SLC35F3: variants seen among roughly 807,000 people sequenced by gnomAD.
The protein encoded by SLC35F3 is putative thiamine transporter SLC35F3.
A neutral mutation model predicts 49.9 loss-of-function variants in SLC35F3; 25 were observed. The observed-to-expected ratio is 0.50, with a 90% CI of 0.37 to 0.70. SLC35F3 has a LOEUF of 0.70. Ranked by LOEUF, SLC35F3 falls within the 30% of genes least tolerant of loss-of-function variation. The pLI is 0.00. For missense variants in SLC35F3, 525 were observed against 639.8 expected, an observed-to-expected ratio of 0.82 and a Z score of 1.94; for synonymous variants, 275 against 265.4, an observed-to-expected ratio of 1.04 and a Z score of -0.35.
intron 2 of SLC35F3, among the ~76,000 whole-genome samples, chr1:234,167,703 T>C (rs1666339889): frequency 6.6e-6 from 1 of 152,098 alleles, no homozygotes; most frequent in Non-Finnish European, 1.5e-5. Context: ...GAGAGAAGGA[T>C]TCATACTGAA....
At chr1:234,072,396 A>C (rs1317460668) in intron 2 of SLC35F3, among the ~76,000 whole-genome samples, 1 of 152,232 alleles carries the variant, frequency 6.6e-6, no homozygotes, top group Admixed American at 6.5e-5. Context: ...CTGAGCACTC[A>C]TCAGACACTG....
intron 2 of SLC35F3, among the ~76,000 whole-genome samples, chr1:234,090,830 C>T (rs1665032619): frequency 6.6e-6 from 1 of 152,110 alleles, no homozygotes; most frequent in Non-Finnish European, 1.5e-5. Context: ...TGACCCACAG[C>T]CAGAAATGTT....
chr1:234,290,654 C>T (rs1359522539), intron 3 of SLC35F3, among the ~76,000 whole-genome samples: 1 of 152,184 alleles, frequency 6.6e-6, no homozygotes, highest in African/African-American at 2.4e-5. Context: ...GAGGCCGCAG[C>T]CTCTGACTGC....
chr1:234,136,087 G>C (rs16842608), intron 2 of SLC35F3, among the ~76,000 whole-genome samples: 5,156 of 152,180 alleles, frequency 0.034, 319 homozygotes, highest in African/African-American at 0.12. Context: ...GGTTTTCAGA[G>C]ATGTTTACAG....
At chr1:234,070,656 T>C (rs1191417138) in intron 2 of SLC35F3, among the ~76,000 whole-genome samples, 1 of 152,224 alleles carries the variant, frequency 6.6e-6, no homozygotes, top group East Asian at 1.9e-4. Context: ...TATTATTGTT[T>C]TTTAATCTCA....
At chr1:234,108,576 TATATATAAAAGATATAC>T (rs1572055024) in intron 2 of SLC35F3, among the ~76,000 whole-genome samples, 1 of 74,816 alleles carries the variant, frequency 1.3e-5, no homozygotes, top group Admixed American at 2.2e-4. Flanking sequence ...ATATTATTTA[TATATATAAAAGATATAC>T]ATATAAAAGA....
chr1:234,247,796 T>C (rs994096735), intron 3 of SLC35F3, among the ~76,000 whole-genome samples: 2 of 151,030 alleles, frequency 1.3e-5, no homozygotes, highest in Admixed American at 1.3e-4. Context: ...AGTGGGTTGG[T>C]TGGCTGGTCC....
chr1:234,105,183 T>C (rs377297839), intron 2 of SLC35F3, among the ~76,000 whole-genome samples: 4 of 151,410 alleles, frequency 2.6e-5, no homozygotes, highest in African/African-American at 9.7e-5. Flanking sequence ...AAGAAGGCCT[T>C]GAGAGATTGT....
In SLC35F3 at chr1:234,318,801, AT is replaced by A. The variant is rs776257707; in HGVS notation, c.1010del (p.Leu337CysfsTer46). Reference protein sequence around the residue: ...GSAKFGEAALFLSILGVFNIL... With the variant: ...GSAKFGEAALXLSILGVFNIL... ...GTGCTAAGTTTGGAGAAGCCGCCTT[AT>A]TTTTGTCCATCTTGGGTGTGTTTAA... is the stretch of plus-strand genomic sequence containing the variant. On this transcript the variant is annotated frameshift_variant, in exon 6 of 8. Transcript: ENST00000366618. LOFTEE classifies it high-confidence loss of function. The A allele has an allele frequency of 6.2e-7, 1 of 1,614,050 alleles. No homozygotes were observed. The highest frequency in any genetic ancestry group is 1.7e-5 in the Admixed American group (1 of 60,004).
chr1:234,270,687 C>T (rs1019991964), intron 3 of SLC35F3, among the ~76,000 whole-genome samples: 1 of 152,194 alleles, frequency 6.6e-6, no homozygotes, highest in African/African-American at 2.4e-5. Flanking sequence ...GATGGATGGA[C>T]ATTCTAAGCT....
In SLC35F3 at chr1:234,231,548, G is replaced by A. The variant is rs200834507; in HGVS notation, c.415G>A (p.Val139Met). 145 of 1,614,116 alleles carry A rather than the reference G, an allele frequency of 9.0e-5. 1 individual carries two copies. The African/African-American group carries it at 1.8e-3, about 20-fold the overall frequency. Residue 139 changes from valine (V) to methionine (M), a missense_variant, in exon 3 of 8, where the codon GTG becomes ATG. Coordinates refer to ENST00000366618, the MANE Select transcript of SLC35F3 (RefSeq NM_173508.4). This position sits in a 1 kb window ranked among gnomAD's most constrained non-coding sequence, Gnocchi z 5.4. ...GCAACTCAAGAAGATCTTCTGGGGC[G>A]TGGCGGTCGTGCTGTGCGTGTGCTC... The part of the protein sequence containing the change: ...RAQLKKIFWG[V>M]AVVLCVCSSW...
At chr1:234,267,629 G>T (rs1668011630) in intron 3 of SLC35F3, among the ~76,000 whole-genome samples, 1 of 151,492 alleles carries the variant, frequency 6.6e-6, no homozygotes, top group African/African-American at 2.4e-5. Context: ...TGGCCAGGCG[G>T]GGGGCTGACC....
chr1:234,283,437 A>G (rs1470331103), intron 3 of SLC35F3, among the ~76,000 whole-genome samples: 1 of 152,258 alleles, frequency 6.6e-6, no homozygotes, highest in Non-Finnish European at 1.5e-5. Context: ...ACTGCTAATT[A>G]GCAGCCCTGG....
chr1:233,936,406 T>G (rs1662328408), intron 2 of SLC35F3, among the ~76,000 whole-genome samples: 1 of 152,204 alleles, frequency 6.6e-6, no homozygotes, highest in Non-Finnish European at 1.5e-5. Context: ...CTGTTTCTTA[T>G]AGCCTGTGCC....
intron 2 of SLC35F3, among the ~76,000 whole-genome samples, chr1:234,138,694 T>C (rs1036671630): frequency 1.4e-4 from 22 of 152,184 alleles, no homozygotes; most frequent in African/African-American, 5.3e-4. Flanking sequence ...ATTATAGGTG[T>C]GCGCCACCAT....
intron 3 of SLC35F3, among the ~76,000 whole-genome samples, chr1:234,262,988 TC>T (rs1667928832): frequency 1.3e-5 from 2 of 152,200 alleles, no homozygotes; most frequent in African/African-American, 2.4e-5. Flanking sequence ...ACAGTTTGTA[TC>T]CGGAGCAGAT....
chr1:234,043,847 T>C (rs1664255581), intron 2 of SLC35F3, among the ~76,000 whole-genome samples: 2 of 152,370 alleles, frequency 1.3e-5, no homozygotes, highest in South Asian at 4.1e-4. Flanking sequence ...ATTTATAAAC[T>C]TCCAACATGA....
At position 234,265,672 on chromosome 1, in the gene SLC35F3, T is replaced by G. The variant is rs80307131; in HGVS notation, c.608+33931T>G. Among the ~76,000 whole-genome samples the G allele has an allele frequency of 4.4e-3, 667 of 152,254 alleles. 3 individuals carry two copies. The highest frequency in any genetic ancestry group is 0.015 in the African/African-American group (642 of 41,538). The stretch of plus-strand genomic sequence containing the variant: ...CAAGCGTTCTCCATTCTTCTTTCCT[T>G]ACCTCCCTGCAGTCTGTTCTCAACA... On this transcript the variant is annotated intron_variant, in intron 3 of 7. Transcript: ENST00000366618.
chr1:233,989,210 C>A (rs944475959), intron 2 of SLC35F3, among the ~76,000 whole-genome samples: 1 of 152,126 alleles, frequency 6.6e-6, no homozygotes, highest in Non-Finnish European at 1.5e-5. Flanking sequence ...AAATACATCA[C>A]CCTTTGATAG....
Sources: allele counts gnomAD v4.1 joint callset (sites outside exome capture counted in the v4.1 genomes callset), GRCh38; gene constraint gnomAD v4.1.1; non-coding constraint Gnocchi (gnomAD v3.1); transcripts MANE v1.5; gene names NCBI Gene and HGNC (gene_info 2026-07-23, HGNC 2026-07-21).